The following DCHS1 variants were observed in gnomAD, a reference collection of about 807,000 sequenced individuals.
DCHS1 encodes the protein protocadherin-16.
DCHS1 carries 78 observed loss-of-function variants against 213.9 expected under a neutral mutation model. The ratio of observed to expected loss-of-function variants is 0.36; its 90% CI spans 0.30 to 0.44. The LOEUF (loss-of-function observed/expected upper bound fraction) is 0.44, where lower values mean the gene tolerates loss of function less well. Ranked by LOEUF, DCHS1 falls within the 20% of genes least tolerant of loss-of-function variation. The probability of loss-of-function intolerance (pLI) is 1.00; values close to 1 mark genes in which losing one functional copy is unlikely to be tolerated. For missense variants in DCHS1, 3,946 were observed against 4,395.9 expected (o/e 0.90, Z 2.89); for synonymous variants, 1,828 against 1,873.7 (o/e 0.98, Z 0.63).
rs1027601566 is a variant in DCHS1 at position 6,624,152 on chromosome 11, A to T, written c.7524T>A (p.Asp2508Glu). Residue 2508 changes from aspartate (D) to glutamate (E), a missense_variant, in exon 21 of 21, where the codon GAT becomes GAA. Coordinates refer to ENST00000299441, the MANE Select transcript of DCHS1 (RefSeq NM_003737.4). The part of the protein sequence containing the change: ...GSTLLTLEAT[D>E]ADGSRSHAAV... ...CGGCATGGCTGCGGCTTCCATCAGC[A>T]TCTGTAGCCTCCAGGGTGAGCAGAG... The T allele has an allele frequency of 6.2e-7, 1 of 1,612,504 alleles. No individual in the cohort carries two copies. Among genetic ancestry groups the T allele is most frequent in the African/African-American group, 1.3e-5 (1 of 75,066 alleles).
intron 19 of DCHS1, 120 bp from the exon 20 acceptor site, chr11:6,624,988 T>C: frequency 6.9e-7 from 1 of 1,449,136 alleles, no homozygotes; most frequent in South Asian, 1.3e-5. Context: ...TTGGAGCCCC[T>C]ACTCCTAAGT....
In DCHS1 at chr11:6,622,754, T is replaced by C. The variant is rs1204909327; in HGVS notation, c.8922A>G (p.Pro2974=). The part of the protein sequence containing the change: ...RSRKAEAAPG[P]MSQAAPLASD... Reference sequence around the variant, plus strand: ...TGGCTAGGGGTGCTGCCTGTGACATTGGGCCAGGGGCTGCCTCAGCCTTGC... The same window carrying C: ...TGGCTAGGGGTGCTGCCTGTGACATCGGGCCAGGGGCTGCCTCAGCCTTGC... The change falls in exon 21 of 21, where the codon CCA becomes CCG. Residue 2974 remains proline, a synonymous_variant. Transcript: ENST00000299441. This position sits in a 1 kb window ranked among gnomAD's most constrained non-coding sequence, Gnocchi z 5.4. The C allele has an allele frequency of 6.3e-7, 1 of 1,591,604 alleles. No individual in the cohort carries two copies. The highest frequency in any genetic ancestry group is 8.6e-7 in the Non-Finnish European group (1 of 1,169,324).
rs532667959 is a variant in DCHS1 at position 6,645,532 on chromosome 11, T to C, written c.-120-3799A>G. Reference sequence around the variant, plus strand: ...AGTAGCTGTTTGTGAGCCCAGACTGTATTTTCTTCATCTTTGTATGTAGCA... The same window carrying C: ...AGTAGCTGTTTGTGAGCCCAGACTGCATTTTCTTCATCTTTGTATGTAGCA... On this transcript the variant is annotated intron_variant, in intron 1 of 20. Coordinates refer to ENST00000299441, the MANE Select transcript of DCHS1 (RefSeq NM_003737.4). Among the ~76,000 whole-genome samples the C allele has an allele frequency of 5.3e-5, 8 of 152,330 alleles. No homozygotes were observed. The South Asian group carries it at 1.2e-3, about 24-fold the overall frequency.
In DCHS1 at chr11:6,624,799, C is replaced by T; in HGVS notation, c.7216G>A (p.Gly2406Ser). ...TGGTAGGAAATGTGACCGTTGGCACCTGAGTCCCGATCAGTGGCAGAGACG... is the reference window on the plus strand; with the variant it reads ...TGGTAGGAAATGTGACCGTTGGCACTTGAGTCCCGATCAGTGGCAGAGACG... The part of the protein sequence containing the change: ...LSVSATDRDS[G>S]ANGHISYHLA... The change falls in exon 20 of 21, where the codon GGT (glycine) becomes AGT (serine). Residue 2406 changes from glycine to serine, a missense_variant. Physicochemically the swap from Gly to Ser is moderately conservative, Grantham distance 56. Around this residue, in one of 3 missense-constraint regions of DCHS1, gnomAD observed 3,384 missense variants for 3,780.1 expected, o/e 0.90. Coordinates refer to ENST00000299441, the MANE Select transcript of DCHS1 (RefSeq NM_003737.4). 6.2e-7 allele frequency: 1 copy of T among 1,613,930 alleles called. No individual in the cohort carries two copies. The highest frequency in any genetic ancestry group is 8.5e-7 in the Non-Finnish European group (1 of 1,179,850).
chr11:6,646,871 C>A (rs1355795449), intron 1 of DCHS1, among the ~76,000 whole-genome samples: 1 of 152,092 alleles, frequency 6.6e-6, no homozygotes, highest in African/African-American at 2.4e-5. Context: ...GTCTACAGGA[C>A]CTGGAAGCAG....
Position 6,628,732 on chromosome 11 carries a change from C to A in DCHS1, c.5260G>T (p.Ala1754Ser), listed in dbSNP as rs1267499430. 4 of 1,613,918 alleles carry A rather than the reference C, an allele frequency of 2.5e-6. No homozygotes were observed. The highest frequency in any genetic ancestry group is 3.4e-6 in the Non-Finnish European group (4 of 1,179,914). The change falls in exon 13 of 21, where the codon GCC becomes TCC. Residue 1754 changes from alanine (A) to serine (S), a missense_variant. Physicochemically the swap from Ala to Ser is moderately conservative, Grantham distance 99. Around this residue, in one of 3 missense-constraint regions of DCHS1, gnomAD observed 3,384 missense variants for 3,780.1 expected, o/e 0.90. Transcript: ENST00000299441. This position sits in a 1 kb window ranked among gnomAD's most constrained non-coding sequence, Gnocchi z 4.3. The stretch of plus-strand genomic sequence containing the variant: ...TCAGGCACCTCCAGAGAGAGATGGG[C>A]ACTCCCAAAGGTTGGTGCATGGTCA... ...ENDHAPTFGSAHLSLEVPEGQ... is the reference protein window; with the variant it reads ...ENDHAPTFGSSHLSLEVPEGQ...
At chr11:6,631,878 A>C (rs953607458) in intron 6 of DCHS1, 69 bp from the exon 7 acceptor site, 8 of 1,469,836 alleles carry the variant, frequency 5.4e-6, no homozygotes, top group Non-Finnish European at 6.3e-6. Flanking sequence ...TGCACCTAAG[A>C]AGCTGGTGTT....
chr11:6,635,632 A>C (rs1855975883), intron 2 of DCHS1, among the ~76,000 whole-genome samples: 3 of 152,082 alleles, frequency 2.0e-5, no homozygotes, highest in Non-Finnish European at 4.4e-5. Context: ...CCATGGCTGA[A>C]CCCTGGAAAC....
At chr11:6,646,818 C>G (rs761721397) in intron 1 of DCHS1, among the ~76,000 whole-genome samples, 4 of 152,160 alleles carry the variant, frequency 2.6e-5, no homozygotes, top group Admixed American at 2.0e-4. Flanking sequence ...GTCAATTCCC[C>G]CTCCCTCACC....
rs757313864 is a variant in DCHS1 at position 6,623,228 on chromosome 11, T to C, written c.8448A>G (p.Pro2816=). ...EDEYDPVFLA[P]AFHFQVPEGA... is the part of the protein sequence containing the mutation. ...CTTCGGGCACTTGGAAGTGGAAAGC[T>C]GGTGCCAGAAATACAGGGTCATACT... Residue 2816 remains proline, a synonymous_variant, in exon 21 of 21, where the codon CCA becomes CCG. Coordinates refer to ENST00000299441, the MANE Select transcript of DCHS1 (RefSeq NM_003737.4). The C allele has an allele frequency of 1.3e-6, 2 of 1,595,608 alleles. No individual in the cohort carries two copies. The highest frequency in any genetic ancestry group is 2.3e-5 in the East Asian group (1 of 43,898).
At chr11:6,631,025 T>C in intron 9 of DCHS1, 28 bp downstream of exon 9, 1 of 1,581,814 alleles carries the variant, frequency 6.3e-7, no homozygotes, top group Non-Finnish European at 8.6e-7. Context: ...CCTACAGCGG[T>C]AGCCAAGGGG....
chr11:6,651,959 C>T (rs12419946), intron 1 of DCHS1, among the ~76,000 whole-genome samples: 44,449 of 151,970 alleles, frequency 0.29, 7,645 homozygotes, highest in Middle Eastern at 0.42. Flanking sequence ...TGTGAGTCAT[C>T]AGCCTATAGA....
chr11:6,634,220 T>C lies in DCHS1; in HGVS notation c.1884A>G (p.Pro628=). 6.2e-7 allele frequency: 1 copy of C among 1,613,900 alleles called. No homozygotes were observed. Among genetic ancestry groups the C allele is most frequent in the Non-Finnish European group, 8.5e-7 (1 of 1,179,844 alleles). The change falls in exon 3 of 21, where the codon CCA becomes CCG. Residue 628 remains proline (P), a synonymous_variant. Coordinates refer to ENST00000299441, the MANE Select transcript of DCHS1 (RefSeq NM_003737.4). The part of the protein sequence containing the change: ...GAGLGSSGSP[P]FRIDAHSGDV... The stretch of plus-strand genomic sequence containing the variant: ...CACCGCTGTGGGCATCAATGCGGAA[T>C]GGGGGAGATCCGGAGGACCCAAGTC...
intron 5 of DCHS1, 23 bp downstream of exon 5, chr11:6,633,389 G>C: frequency 6.5e-7 from 1 of 1,545,484 alleles, no homozygotes; most frequent in South Asian, 1.2e-5. Context: ...CTGACACCAA[G>C]TGGGTATAAA....
chr11:6,630,567 A>C lies in DCHS1; in HGVS notation c.4227T>G (p.Ala1409=). The change falls in exon 10 of 21, where the codon GCT becomes GCG. Residue 1409 remains alanine (A), a synonymous_variant. Transcript: ENST00000299441. ...GPPWRALTVR[A]EGPGGAGARL... The stretch of plus-strand genomic sequence containing the variant: ...GCGCGCCCGCGCCTCCCGGCCCCTC[A>C]GCGCGTACCGTAAGCGCGCGCCACG... The C allele has an allele frequency of 6.5e-7, 1 of 1,539,408 alleles. No homozygotes were observed. Among genetic ancestry groups the C allele is most frequent in the Non-Finnish European group, 8.7e-7 (1 of 1,150,554 alleles).
In DCHS1 at chr11:6,630,782, T is replaced by C. The variant is rs576694044; in HGVS notation, c.4012A>G (p.Thr1338Ala). 1.1e-5 allele frequency: 17 copies of C among 1,547,204 alleles called. No homozygotes were observed. In the African/African-American group the frequency reaches 2.3e-4, roughly 21 times the overall value. The change falls in exon 10 of 21, where the codon ACG (threonine) becomes GCG (alanine). Residue 1338 changes from threonine (T) to alanine (A), a missense_variant. Around this residue, in one of 3 missense-constraint regions of DCHS1, gnomAD observed 3,384 missense variants for 3,780.1 expected, o/e 0.90. Coordinates refer to ENST00000299441, the MANE Select transcript of DCHS1 (RefSeq NM_003737.4). ...CGCAGTCCCTCAGCTGCTGTCACCG[T>C]CAGCACGACAGGCACTGGTGCCGCT... Reference protein sequence around the residue: ...DPAAPVPVVLTVTAAEGLRPG... With the variant: ...DPAAPVPVVLAVTAAEGLRPG...
chr11:6,647,947 A>T (rs372158862), intron 1 of DCHS1, among the ~76,000 whole-genome samples: 124 of 152,286 alleles, frequency 8.1e-4, no homozygotes, highest in African/African-American at 2.9e-3. Flanking sequence ...GAGGAGGTGA[A>T]GGTAAGAAGA....
Position 6,630,743 on chromosome 11 carries a change from A to G in DCHS1, c.4051T>C (p.Leu1351=), listed in dbSNP as rs917072302. 35 of 1,545,322 alleles carry G rather than the reference A, an allele frequency of 2.3e-5. No individual in the cohort carries two copies. The highest frequency in any genetic ancestry group is 7.3e-5 in the East Asian group (3 of 41,038). ...GGCTCTGGCGCTGCCACCGAGCCCA[A>G]CAGAGAGCCGGGCCGCAGTCCCTCA... The part of the protein sequence containing the change: ...AAEGLRPGSL[L]GSVAAPEPAG... Residue 1351 remains leucine, a synonymous_variant, in exon 10 of 21, where the codon TTG becomes CTG. Coordinates refer to ENST00000299441, the MANE Select transcript of DCHS1 (RefSeq NM_003737.4).
chr11:6,639,290 T>A (rs1297291641), intron 2 of DCHS1, among the ~76,000 whole-genome samples: 1 of 152,208 alleles, frequency 6.6e-6, no homozygotes, highest in Non-Finnish European at 1.5e-5. Flanking sequence ...CCAGGGTTCC[T>A]GCCTCTTCCC....
Sources: gnomAD v4.1 joint callset for allele counts (sites outside exome capture counted in the v4.1 genomes callset) on GRCh38, gnomAD v4.1.1 for gene constraint, gnomAD v4.1.1 regional missense constraint, Gnocchi (gnomAD v3.1) non-coding constraint, MANE v1.5 for transcripts, NCBI Gene and HGNC (gene_info 2026-07-23, HGNC 2026-07-21) for gene names.